CACNA1I: variants seen among roughly 807,000 people sequenced by gnomAD.
CACNA1I encodes calcium voltage-gated channel subunit alpha1 I.
Under a neutral mutation model 201.6 loss-of-function variants are expected in CACNA1I, and 74 were observed. That is an observed-to-expected ratio of 0.37 (90% CI 0.30 to 0.45). CACNA1I has a LOEUF of 0.45. Ranked by LOEUF, CACNA1I falls within the 20% of genes least tolerant of loss-of-function variation. The pLI is 1.00. For missense variants in CACNA1I, 2,346 were observed against 3,138.1 expected, an observed-to-expected ratio of 0.75 and a Z score of 6.03; for synonymous variants, 1,431 against 1,345.2, an observed-to-expected ratio of 1.06 and a Z score of -1.40.
At position 39,684,326 on chromosome 22, in the gene CACNA1I, A is replaced by G. The variant is rs2146485710; in HGVS notation, c.5855A>G (p.Asp1952Gly). 1 of 1,613,396 alleles carries G rather than the reference A, an allele frequency of 6.2e-7. No individual in the cohort carries two copies. Among genetic ancestry groups the G allele is most frequent in the East Asian group, 2.2e-5 (1 of 44,854 alleles). ...SQAPPSPFSPDASSPLLPMPA... is the reference protein window; with the variant it reads ...SQAPPSPFSPGASSPLLPMPA... ...GCACCCCCAAGTCCCTTCTCCCCGG[A>G]TGCCTCCAGCCCTCTCCTGCCCATG... Residue 1952 changes from aspartate to glycine, a missense_variant, in exon 36 of 37, where the codon GAT becomes GGT. This residue lies in a region of CACNA1I where 441 missense variants were observed against 555.6 expected (regional missense o/e 0.79). Transcript: ENST00000402142. This position sits in a 1 kb window ranked among gnomAD's most constrained non-coding sequence, Gnocchi z 4.6.
At position 39,665,683 on chromosome 22, in the gene CACNA1I, C is replaced by T; in HGVS notation, c.3978+59C>T. On this transcript the variant is annotated intron_variant, in intron 22 of 36. Coordinates refer to ENST00000402142, the MANE Select transcript of CACNA1I (RefSeq NM_021096.4). The surrounding 1 kb of genome is among the most constrained non-coding windows in gnomAD (Gnocchi z 5.5). ...TCTGTGACTGGGGAAAAGGAAGTCT[C>T]AGACAGCCAGGGGAGAGACTCCACA... The T allele has an allele frequency of 3.1e-6, 5 of 1,592,900 alleles. No individual in the cohort carries two copies. The highest frequency in any genetic ancestry group is 3.4e-6 in the Non-Finnish European group (4 of 1,165,566).
chr22:39,660,710 C>A (rs888291965), intron 15 of CACNA1I, among the ~76,000 whole-genome samples: 3 of 152,140 alleles, frequency 2.0e-5, no homozygotes, highest in Non-Finnish European at 4.4e-5. Flanking sequence ...AGCCTTGGGG[C>A]CTTAGGTCAA....
intron 3 of CACNA1I, among the ~76,000 whole-genome samples, chr22:39,602,988 C>T (rs939490789): frequency 6.6e-6 from 1 of 151,842 alleles, no homozygotes; most frequent in Non-Finnish European, 1.5e-5. Context: ...CCCATCTCTA[C>T]AAAAAATAAA....
intron 6 of CACNA1I, among the ~76,000 whole-genome samples, chr22:39,642,525 G>A (rs1045510263): frequency 5.3e-5 from 8 of 152,182 alleles, no homozygotes; most frequent in African/African-American, 1.4e-4. Flanking sequence ...CAGCCCTCCC[G>A]CTGGTGTGGT....
chr22:39,667,312 G>T (rs1283677511), intron 23 of CACNA1I, among the ~76,000 whole-genome samples: 1 of 152,218 alleles, frequency 6.6e-6, no homozygotes, highest in African/African-American at 2.4e-5. Context: ...AGAGGAAGGG[G>T]TCTGTGCTCT....
rs66465962 is a variant in CACNA1I, at chr22:39,686,609, C to CAT, written c.*219_*220dup. On this transcript the variant is annotated 3_prime_UTR_variant, in exon 37 of 37. Coordinates refer to ENST00000402142, the MANE Select transcript of CACNA1I (RefSeq NM_021096.4). Reference sequence around the variant, plus strand: ...GTGGCCCTTCCAGTGCATATACATACATATATATATATATATGCATATATA... The same window carrying CAT: ...GTGGCCCTTCCAGTGCATATACATACATATATATATATATATATGCATATATA... 6.0e-3 allele frequency: 821 copies of CAT among 135,844 alleles called. 4 individuals are homozygous for CAT. The highest frequency in any genetic ancestry group is 0.013 in the Middle Eastern group (3 of 238). 8.4% of individuals were successfully genotyped at this position (135,844 alleles called of 1,614,324 possible). A position where few individuals can be genotyped will look rare whatever the true frequency, so the allele number is the denominator to read the frequency against.
intron 1 of CACNA1I, among the ~76,000 whole-genome samples, chr22:39,592,910 G>T (rs541595124): frequency 6.6e-6 from 1 of 152,352 alleles, no homozygotes; most frequent in East Asian, 1.9e-4. Flanking sequence ...TTCAAGGAGG[G>T]CTGGTGCTTT....
intron 10 of CACNA1I, chr22:39,656,576 C>G (rs1934830828): frequency 1.9e-6 from 1 of 516,780 alleles, no homozygotes; most frequent in Non-Finnish European, 3.9e-6. Context: ...GACTCCCTCA[C>G]CACTGCCCAC....
Position 39,686,301 on chromosome 22 carries a change from G to C in CACNA1I, c.6568G>C (p.Gly2190Arg), listed in dbSNP as rs186796996. 1.5e-6 allele frequency: 2 copies of C among 1,324,728 alleles called. No homozygotes were observed. Among genetic ancestry groups the C allele is most frequent in the Non-Finnish European group, 1.9e-6 (2 of 1,033,292 alleles). The allele number at this position is 1,324,728 out of a possible 1,614,324, so 82.1% of individuals were successfully genotyped here. ...WAADRSKDPP[G>R]RAPLPMGLGP... ...CGCGGACCGCAGCAAGGACCCCCCC[G>C]GCCGGGCACCGCTGCCCATGGGCCT... Residue 2190 changes from glycine (G) to arginine (R), a missense_variant, in exon 37 of 37, where the codon GGC (glycine) becomes CGC (arginine). Coordinates refer to ENST00000402142, the MANE Select transcript of CACNA1I (RefSeq NM_021096.4).
intron 3 of CACNA1I, among the ~76,000 whole-genome samples, chr22:39,608,924 A>T (rs944562288): frequency 6.6e-6 from 1 of 152,208 alleles, no homozygotes; most frequent in African/African-American, 2.4e-5. Context: ...ACTCTTGGGA[A>T]ACAAAAAGCC....
intron 32 of CACNA1I, 66 bp from the exon 33 acceptor site, chr22:39,679,656 C>A: frequency 1.4e-6 from 2 of 1,452,428 alleles, no homozygotes; most frequent in Non-Finnish European, 9.4e-7. Context: ...TGTGTCCTGC[C>A]CACCCCACAG....
chr22:39,590,702 G>A (rs771772285), intron 1 of CACNA1I, among the ~76,000 whole-genome samples: 2 of 152,220 alleles, frequency 1.3e-5, no homozygotes, highest in Non-Finnish European at 2.9e-5. Context: ...TACCATGGGA[G>A]TGACCCTGGA....
chr22:39,677,190 T>C lies in CACNA1I; in HGVS notation c.4855-151T>C. ...GCCTGCCCTCCAGGTCCTGTAGGGG[T>C]GGCAGACGTGGACACACAGCCTGGG... On this transcript the variant is annotated intron_variant, in intron 29 of 36. Coordinates refer to ENST00000402142, the MANE Select transcript of CACNA1I (RefSeq NM_021096.4). This position sits in a 1 kb window ranked among gnomAD's most constrained non-coding sequence, Gnocchi z 4.8. The C allele has an allele frequency of 1.7e-6, 1 of 596,242 alleles. No homozygotes were observed. Among genetic ancestry groups the C allele is most frequent in the Non-Finnish European group, 3.0e-6 (1 of 332,992 alleles). 36.9% of individuals were successfully genotyped at this position (596,242 alleles called of 1,614,324 possible). A position where few individuals can be genotyped will look rare whatever the true frequency, so the allele number is the denominator to read the frequency against.
intron 10 of CACNA1I, among the ~76,000 whole-genome samples, chr22:39,653,083 A>ATTCCCCCACACAGTG (rs1160540170): frequency 0.013 from 1,890 of 140,396 alleles, 3 homozygotes; most frequent in Admixed American, 0.022. Flanking sequence ...GGGTGCACGG[A>ATTCCCCCACACAGTG]GCCCCCCACA....
intron 10 of CACNA1I, among the ~76,000 whole-genome samples, chr22:39,655,989 G>A (rs1050944641): frequency 3.3e-5 from 5 of 152,142 alleles, no homozygotes; most frequent in African/African-American, 7.2e-5. Context: ...TTTCATCTCC[G>A]CGGACATCGC....
intron 1 of CACNA1I, among the ~76,000 whole-genome samples, chr22:39,576,577 T>G (rs1345467099): frequency 2.0e-5 from 3 of 152,228 alleles, no homozygotes; most frequent in Non-Finnish European, 4.4e-5. Flanking sequence ...GCAGTGGCGC[T>G]TCTGCTGTGG....
intron 1 of CACNA1I, among the ~76,000 whole-genome samples, chr22:39,594,961 G>C (rs1932863230): frequency 6.6e-6 from 1 of 152,178 alleles, no homozygotes; most frequent in African/African-American, 2.4e-5. Context: ...TTATAAATCA[G>C]GCATTGTAAG....
rs150866330 is a variant in CACNA1I at position 39,632,587 on chromosome 22, G to T, written c.581-1978G>T. Reference sequence around the variant, plus strand: ...AGGCTGTGAGCTCTGTGTGTGTGTGGGGGGAGGGTTGGGGGGGTAAAAAAT... The same window carrying T: ...AGGCTGTGAGCTCTGTGTGTGTGTGTGGGGAGGGTTGGGGGGGTAAAAAAT... On this transcript the variant is annotated intron_variant, in intron 4 of 36. Coordinates refer to ENST00000402142, the MANE Select transcript of CACNA1I (RefSeq NM_021096.4). Among the ~76,000 whole-genome samples, 394 of 152,270 alleles carry T rather than the reference G, an allele frequency of 2.6e-3. 1 individual carries two copies. The highest frequency in any genetic ancestry group is 9.2e-3 in the African/African-American group (381 of 41,548).
At chr22:39,630,987 G>A (rs1254745124) in intron 4 of CACNA1I, among the ~76,000 whole-genome samples, 1 of 152,210 alleles carries the variant, frequency 6.6e-6, no homozygotes, top group Non-Finnish European at 1.5e-5. Flanking sequence ...GATGGAGGGA[G>A]GTGGGGCCAG....
Sources: gnomAD v4.1 joint callset for allele counts (sites outside exome capture counted in the v4.1 genomes callset) on GRCh38, gnomAD v4.1.1 for gene constraint, gnomAD v4.1.1 regional missense constraint, Gnocchi (gnomAD v3.1) non-coding constraint, MANE v1.5 for transcripts, NCBI Gene and HGNC (gene_info 2026-07-23, HGNC 2026-07-21) for gene names.